ARHGEF12: variants seen among roughly 807,000 people sequenced by gnomAD.
ARHGEF12 encodes KMT2A/ARHGEF12 fusion protein.
A neutral mutation model predicts 211.2 loss-of-function variants in ARHGEF12; 66 were observed. That is an observed-to-expected ratio of 0.31 (90% CI 0.26 to 0.38). The LOEUF is 0.38. Among genes scored for constraint, ARHGEF12 ranks in the 10% least tolerant of loss-of-function variants. ARHGEF12 has a pLI of 1.00. For missense variants in ARHGEF12, 1,429 were observed against 1,869.5 expected (o/e 0.76, Z 4.34); for synonymous variants, 592 against 638.4 (o/e 0.93, Z 1.09).
chr11:120,399,790 T>C (rs1425234669), intron 1 of ARHGEF12, among the ~76,000 whole-genome samples: 1 of 152,158 alleles, frequency 6.6e-6, no homozygotes, highest in Non-Finnish European at 1.5e-5. Context: ...GTTTTTTCAA[T>C]AAAAAATGCA....
chr11:120,389,458 T>C (rs950572642), intron 1 of ARHGEF12, among the ~76,000 whole-genome samples: 1 of 152,210 alleles, frequency 6.6e-6, no homozygotes, highest in African/African-American at 2.4e-5. Context: ...TTTCAGGTAG[T>C]CTTTTATTTT....
chr11:120,408,406 T>G (rs1435144607), intron 3 of ARHGEF12: 1 of 152,180 alleles, frequency 6.6e-6, no homozygotes, highest in Non-Finnish European at 1.5e-5. Context: ...CAGATTGATC[T>G]CCTTTTAAAA....
At chr11:120,390,349 G>A (rs1007715965) in intron 1 of ARHGEF12, among the ~76,000 whole-genome samples, 2 of 152,126 alleles carry the variant, frequency 1.3e-5, no homozygotes, top group Non-Finnish European at 2.9e-5. Flanking sequence ...TAATATTGAG[G>A]AATGCTAATG....
intron 5 of ARHGEF12, among the ~76,000 whole-genome samples, chr11:120,421,149 A>G (rs1368965676): frequency 6.6e-6 from 1 of 152,208 alleles, no homozygotes; most frequent in Non-Finnish European, 1.5e-5. Context: ...CCATGGCACC[A>G]CTGATATTTT....
At position 120,460,673 on chromosome 11, in the gene ARHGEF12, T is replaced by C. The variant is rs372230202; in HGVS notation, c.2529T>C (p.Ile843=). 4.3e-6 allele frequency: 7 copies of C among 1,612,574 alleles called. No homozygotes were observed. The highest frequency in any genetic ancestry group is 5.9e-6 in the Non-Finnish European group (7 of 1,178,970). The change falls in exon 27 of 41, where the codon ATT becomes ATC. Residue 843 remains isoleucine, a splice_region_variant and synonymous_variant. Coordinates refer to ENST00000397843, the MANE Select transcript of ARHGEF12 (RefSeq NM_015313.3). Reference sequence around the variant, plus strand: ...GTTTTTCTATCTTTTTATCTTTAGTTGGATTGAATGAACAAATGAAGGCTG... The same window carrying C: ...GTTTTTCTATCTTTTTATCTTTAGTCGGATTGAATGAACAAATGAAGGCTG... The part of the protein sequence containing the change: ...SNLEDILQLH[I]GLNEQMKAVR...
intron 21 of ARHGEF12, 105 bp from the exon 22 acceptor site, chr11:120,451,407 G>T: frequency 3.1e-6 from 3 of 975,508 alleles, no homozygotes; most frequent in Non-Finnish European, 4.7e-6. Flanking sequence ...TCGATCTCCT[G>T]ACCTCATGAT....
At chr11:120,362,416 C>T (rs1943302289) in intron 1 of ARHGEF12, among the ~76,000 whole-genome samples, 1 of 152,190 alleles carries the variant, frequency 6.6e-6, no homozygotes, top group Admixed American at 6.5e-5. Context: ...TGTCTCATGG[C>T]TATTTTGTAG....
At position 120,474,747 on chromosome 11, in the gene ARHGEF12, T is replaced by C. The variant is rs892218754; in HGVS notation, c.3109+112T>C. 1.7e-5 allele frequency: 12 copies of C among 700,188 alleles called. No individual in the cohort carries two copies. The African/African-American group carries it at 1.8e-4, about 10-fold the overall frequency. The allele number at this position is 700,188 out of a possible 1,614,324, so 43.4% of individuals were successfully genotyped here. A position where few individuals can be genotyped will look rare whatever the true frequency, so the allele number is the denominator to read the frequency against. On this transcript the variant is annotated intron_variant, in intron 32 of 40. Transcript: ENST00000397843. ...GAACCATTCTCTCAGCAGTTTGCAGTGCTACCTCGTGTTATTTGTACATTT... is the reference window on the plus strand; with the variant it reads ...GAACCATTCTCTCAGCAGTTTGCAGCGCTACCTCGTGTTATTTGTACATTT...
At position 120,458,063 on chromosome 11, in the gene ARHGEF12, C is replaced by T. The variant is rs776555034; in HGVS notation, c.2226-17C>T. ...ACCTAAAGTCTTCAAATTGAATTCA[C>T]TCTTTTTTCTTCATAGGTTTGACAG... On this transcript the variant is annotated splice_polypyrimidine_tract_variant and intron_variant, in intron 24 of 40. Transcript: ENST00000397843. The T allele has an allele frequency of 8.8e-6, 14 of 1,595,880 alleles. No homozygotes were observed. The African/African-American group carries it at 1.9e-4, about 22-fold the overall frequency.
Position 120,485,279 on chromosome 11 carries a change from G to GC in ARHGEF12, c.*202_*203insC. 3.6e-6 allele frequency: 2 copies of GC among 548,740 alleles called. No homozygotes were observed. The highest frequency in any genetic ancestry group is 2.7e-5 in the South Asian group (1 of 36,938). The allele number at this position is 548,740 out of a possible 1,614,324, so 34.0% of individuals were successfully genotyped here. A position where few individuals can be genotyped will look rare whatever the true frequency, so the allele number is the denominator to read the frequency against. Reference sequence around the variant, plus strand: ...GCAGCTGCACTAATCTGTTTGTGAGGGAATATCCATTCCCTCACTCTACTC... The same window carrying GC: ...GCAGCTGCACTAATCTGTTTGTGAGGCGAATATCCATTCCCTCACTCTACTC... On this transcript the variant is annotated 3_prime_UTR_variant, in exon 41 of 41. Transcript: ENST00000397843.
chr11:120,454,025 T>C (rs999405588), intron 22 of ARHGEF12, among the ~76,000 whole-genome samples: 7 of 152,280 alleles, frequency 4.6e-5, no homozygotes, highest in Admixed American at 2.0e-4. Flanking sequence ...AATAATTCAG[T>C]GAATTGTGTA....
chr11:120,374,402 TAGG>T (rs1483759671), intron 1 of ARHGEF12, among the ~76,000 whole-genome samples: 6 of 152,100 alleles, frequency 3.9e-5, no homozygotes, highest in Non-Finnish European at 8.8e-5. Flanking sequence ...CTATAAAAAG[TAGG>T]GGGGTACTTC....
intron 4 of ARHGEF12, among the ~76,000 whole-genome samples, chr11:120,419,616 A>G (rs1945124419): frequency 6.6e-6 from 1 of 151,776 alleles, no homozygotes; most frequent in Non-Finnish European, 1.5e-5. Context: ...ATAGATATGT[A>G]TATACACTGT....
intron 27 of ARHGEF12, among the ~76,000 whole-genome samples, chr11:120,461,986 A>G (rs1449186000): frequency 2.6e-5 from 4 of 152,134 alleles, no homozygotes; most frequent in African/African-American, 9.7e-5. Context: ...TATACAGACT[A>G]ATAGGCTGTT....
At chr11:120,363,086 C>T (rs192950984) in intron 1 of ARHGEF12, among the ~76,000 whole-genome samples, 2 of 151,972 alleles carry the variant, frequency 1.3e-5, no homozygotes, top group Non-Finnish European at 2.9e-5. Flanking sequence ...GGCAACAGAG[C>T]GAGACTCCGT....
At position 120,447,883 on chromosome 11, in the gene ARHGEF12, T is replaced by C. The variant is rs1371505365; in HGVS notation, c.1599T>C (p.Ala533=). 1.3e-6 allele frequency: 2 copies of C among 1,567,770 alleles called. No homozygotes were observed. The highest frequency in any genetic ancestry group is 1.7e-6 in the Non-Finnish European group (2 of 1,161,898). ...VAKIEEVLMT[A]QAVEEDKSST... is the part of the protein sequence containing the mutation. ...TTTTCTTTTTTTTAAGGATGACTGC[T>C]CAGGCTGTAGAGGAAGATAAGAGGT... Residue 533 remains alanine, a synonymous_variant, in exon 19 of 41, where the codon GCT becomes GCC. Coordinates refer to ENST00000397843, the MANE Select transcript of ARHGEF12 (RefSeq NM_015313.3).
intron 4 of ARHGEF12, among the ~76,000 whole-genome samples, chr11:120,420,275 A>G (rs958632008): frequency 6.6e-6 from 1 of 152,252 alleles, no homozygotes; most frequent in South Asian, 2.1e-4. Flanking sequence ...TTTCCTGAGT[A>G]TATTTTCTTG....
chr11:120,478,560 G>A (rs768940644), intron 37 of ARHGEF12, among the ~76,000 whole-genome samples, 171 bp downstream of exon 37: 6 of 152,152 alleles, frequency 3.9e-5, no homozygotes, highest in Non-Finnish European at 8.8e-5. Context: ...ATGCCACTCT[G>A]TTAGCTCCCC....
At chr11:120,371,612 C>T (rs999118630) in intron 1 of ARHGEF12, among the ~76,000 whole-genome samples, 1 of 152,096 alleles carries the variant, frequency 6.6e-6, no homozygotes, top group African/African-American at 2.4e-5. Context: ...TTAAAGGGCA[C>T]GTAAACATAC....
Sources: gnomAD v4.1 joint callset for allele counts (sites outside exome capture counted in the v4.1 genomes callset) on GRCh38, gnomAD v4.1.1 for gene constraint, MANE v1.5 for transcripts, NCBI Gene and HGNC (gene_info 2026-07-23, HGNC 2026-07-21) for gene names.